The following EYS variants were observed in gnomAD, a reference collection of about 807,000 sequenced individuals.
EYS encodes the protein protein eyes shut homolog.
EYS carries 250 observed loss-of-function variants against 282.1 expected under a neutral mutation model. The observed-to-expected ratio is 0.89, with a 90% CI of 0.80 to 0.98. EYS has a LOEUF of 0.98. Ranked by LOEUF, EYS falls within the 50% of genes least tolerant of loss-of-function variation. EYS has a pLI of 0.00. For synonymous variants in EYS, 1,355 were observed against 1,282.9 expected (o/e 1.06, Z -1.20); for missense variants, 4,016 against 3,709.0 (o/e 1.08, Z -2.15).
At chr6:64,506,919 A>AAAAAAAAAAAC (rs1175880683) in intron 26 of EYS, among the ~76,000 whole-genome samples, 2 of 139,778 alleles carry the variant, frequency 1.4e-5, no homozygotes, top group Non-Finnish European at 3.0e-5. Flanking sequence ...AAAAAAAAAA[A>AAAAAAAAAAAC]AAAAAACTGA....
intron 12 of EYS, among the ~76,000 whole-genome samples, chr6:65,158,932 C>G (rs951524895): frequency 4.0e-5 from 6 of 150,758 alleles, no homozygotes; most frequent in African/African-American, 1.5e-4. Context: ...ATTCTGAGTC[C>G]CAACCAAGCA....
At chr6:65,362,929 G>A (rs556878443) in intron 8 of EYS, among the ~76,000 whole-genome samples, 1 of 152,014 alleles carries the variant, frequency 6.6e-6, no homozygotes, top group Non-Finnish European at 1.5e-5. Context: ...GAAATCTTTA[G>A]AGAATGAAAT....
intron 39 of EYS, among the ~76,000 whole-genome samples, chr6:63,781,861 A>G (rs1770237199): frequency 6.6e-6 from 1 of 152,142 alleles, no homozygotes; most frequent in Non-Finnish European, 1.5e-5. Flanking sequence ...GTTTTTGCCC[A>G]TTCAGTATGA....
chr6:64,268,448 T>C (rs927459487), intron 30 of EYS, among the ~76,000 whole-genome samples: 12 of 152,068 alleles, frequency 7.9e-5, no homozygotes, highest in Admixed American at 1.3e-4. Flanking sequence ...ATGATTTACA[T>C]ATATGATTTA....
intron 36 of EYS, among the ~76,000 whole-genome samples, chr6:63,843,508 T>G (rs535591676): frequency 2.6e-5 from 4 of 151,942 alleles, no homozygotes; most frequent in Non-Finnish European, 5.9e-5. Context: ...TGGGGCTTAT[T>G]ATCTCAATAG....
intron 12 of EYS, among the ~76,000 whole-genome samples, chr6:65,132,294 T>C (rs1372511206): frequency 6.6e-6 from 1 of 151,984 alleles, no homozygotes; most frequent in Non-Finnish European, 1.5e-5. Context: ...TTGATGAACA[T>C]TGATGCAAAA....
At chr6:64,195,113 ATTTTC>A (rs1479213575) in intron 31 of EYS, among the ~76,000 whole-genome samples, 1 of 151,600 alleles carries the variant, frequency 6.6e-6, no homozygotes, top group African/African-American at 2.4e-5. Context: ...TTACATATTT[ATTTTC>A]TTTAAGCATC....
intron 26 of EYS, among the ~76,000 whole-genome samples, chr6:64,546,474 G>A (rs1192453407): frequency 6.6e-6 from 1 of 152,212 alleles, no homozygotes; most frequent in Non-Finnish European, 1.5e-5. Context: ...AGGACTTCAT[G>A]TCTAAAACAC....
chr6:64,731,867 T>C (rs1771981249), intron 22 of EYS, among the ~76,000 whole-genome samples: 1 of 152,156 alleles, frequency 6.6e-6, no homozygotes, highest in Admixed American at 6.5e-5. Flanking sequence ...CACACACATG[T>C]TTATTGCAGC....
chr6:65,581,541 T>C (rs1245308884), intron 2 of EYS, among the ~76,000 whole-genome samples: 2 of 152,244 alleles, frequency 1.3e-5, no homozygotes, highest in Non-Finnish European at 1.5e-5. Flanking sequence ...TGCCAGTCAA[T>C]GAGGGAAACA....
intron 15 of EYS, among the ~76,000 whole-genome samples, chr6:64,935,323 G>C (rs1485534524): frequency 6.6e-6 from 1 of 151,668 alleles, no homozygotes; most frequent in South Asian, 2.1e-4. Context: ...AGTGCAAATT[G>C]AGTGAACATT....
At chr6:64,417,136 A>T (rs557091529) in intron 28 of EYS, among the ~76,000 whole-genome samples, 61 of 152,320 alleles carry the variant, frequency 4.0e-4, no homozygotes, top group African/African-American at 1.4e-3. Flanking sequence ...GCTTTTATAC[A>T]TTACAGTGAA....
At chr6:64,061,052 G>A (rs1038956560) in intron 33 of EYS, among the ~76,000 whole-genome samples, 1 of 152,176 alleles carries the variant, frequency 6.6e-6, no homozygotes, top group Non-Finnish European at 1.5e-5. Flanking sequence ...GTATTAGGGT[G>A]TACCTTCAAT....
In EYS at chr6:65,490,679, C is replaced by G. The variant is rs78079047; in HGVS notation, c.777G>C (p.Gln259His). The change falls in exon 5 of 43, where the codon CAG becomes CAC. Residue 259 changes from glutamine (Q) to histidine (H), a missense_variant. By Grantham distance (24) the Gln-to-His change is conservative. Transcript: ENST00000503581. Reference sequence around the variant, plus strand: ...CATGGAAACAGACATGTGGTTGACACTGGCCAATTATTTCTGAGCAATTCT... The same window carrying G: ...CATGGAAACAGACATGTGGTTGACAGTGGCCAATTATTTCTGAGCAATTCT... ...TGKNCSEIIG[Q>H]CQPHVCFHGN... 7.4e-6 allele frequency: 12 copies of G among 1,612,282 alleles called. No individual in the cohort carries two copies. Among genetic ancestry groups the G allele is most frequent in the Non-Finnish European group, 1.0e-5 (12 of 1,178,746 alleles).
intron 5 of EYS, among the ~76,000 whole-genome samples, chr6:65,442,669 G>C (rs1214978847): frequency 6.6e-6 from 1 of 151,790 alleles, no homozygotes; most frequent in Non-Finnish European, 1.5e-5. Context: ...CAGGAGAATT[G>C]TTTGAACCCA....
At chr6:64,739,041 C>T (rs1217530752) in intron 22 of EYS, among the ~76,000 whole-genome samples, 1 of 152,216 alleles carries the variant, frequency 6.6e-6, no homozygotes, top group Admixed American at 6.5e-5. Flanking sequence ...AGCCACCATG[C>T]CTGTCCAGTA....
chr6:64,471,849 A>T (rs1776131024), intron 26 of EYS, among the ~76,000 whole-genome samples: 1 of 152,186 alleles, frequency 6.6e-6, no homozygotes, highest in South Asian at 2.1e-4. Context: ...GAGTTGGCTA[A>T]TATGTACAAA....
chr6:64,271,289 T>C (rs1279155649), intron 30 of EYS, among the ~76,000 whole-genome samples: 1 of 152,160 alleles, frequency 6.6e-6, no homozygotes, highest in Non-Finnish European at 1.5e-5. Flanking sequence ...GTTTGTGTTT[T>C]TCATACACAG....
chr6:64,385,912 C>A (rs1481246766), intron 29 of EYS, among the ~76,000 whole-genome samples: 1 of 152,074 alleles, frequency 6.6e-6, no homozygotes, highest in Non-Finnish European at 1.5e-5. Flanking sequence ...CTACGGCCAG[C>A]CTCTCTATTC....
Sources: gnomAD v4.1 joint callset for allele counts (sites outside exome capture counted in the v4.1 genomes callset) on GRCh38, gnomAD v4.1.1 for gene constraint, MANE v1.5 for transcripts, NCBI Gene and HGNC (gene_info 2026-07-23, HGNC 2026-07-21) for gene names.